The following CABIN1 variants were observed in gnomAD, a reference collection of about 807,000 sequenced individuals.
CABIN1 encodes the protein calcineurin-binding protein cabin-1.
A neutral mutation model predicts 227.7 loss-of-function variants in CABIN1; 133 were observed. That is an observed-to-expected ratio of 0.58 (90% CI 0.51 to 0.67). The LOEUF (loss-of-function observed/expected upper bound fraction) is 0.67. Among genes scored for constraint, CABIN1 ranks in the 30% least tolerant of loss-of-function variants. CABIN1 has a pLI of 0.00. For missense variants in CABIN1, 2,408 were observed against 2,852.5 expected (o/e 0.84, Z 3.55); for synonymous variants, 1,086 against 1,155.1 (o/e 0.94, Z 1.21).
At chr22:24,106,357 T>C (rs944060297) in intron 26 of CABIN1, among the ~76,000 whole-genome samples, 13 of 152,214 alleles carry the variant, frequency 8.5e-5, no homozygotes, top group Non-Finnish European at 1.9e-4. Flanking sequence ...GTCAGCGGCA[T>C]CCTTCCTTTT....
At chr22:24,149,745 A>T (rs977327668) in intron 29 of CABIN1, among the ~76,000 whole-genome samples, 2 of 152,230 alleles carry the variant, frequency 1.3e-5, no homozygotes, top group Non-Finnish European at 2.9e-5. Flanking sequence ...GCATAGGGAT[A>T]TTGAGTCATT....
intron 30 of CABIN1, among the ~76,000 whole-genome samples, 185 bp downstream of exon 30, chr22:24,164,748 C>T (rs1354579696): frequency 6.6e-6 from 1 of 152,130 alleles, no homozygotes; most frequent in Non-Finnish European, 1.5e-5. Flanking sequence ...ACACTTCCCA[C>T]CCCCAGGCAC....
At chr22:24,088,530 C>G (rs1332425155) in intron 23 of CABIN1, among the ~76,000 whole-genome samples, 1 of 152,080 alleles carries the variant, frequency 6.6e-6, no homozygotes, top group Admixed American at 6.5e-5. Context: ...ATTGCTTGAA[C>G]CTGAGAGGCA....
At chr22:24,173,332 C>T (rs114354637) in intron 34 of CABIN1, 103 of 152,296 alleles carry the variant, frequency 6.8e-4, no homozygotes, top group African/African-American at 2.5e-3. Flanking sequence ...CACGGTGGCT[C>T]AAGCAGCAAG....
intron 29 of CABIN1, among the ~76,000 whole-genome samples, chr22:24,157,955 C>T (rs1183346574): frequency 6.6e-6 from 1 of 152,322 alleles, no homozygotes; most frequent in East Asian, 1.9e-4. Flanking sequence ...TGGCCCTCAG[C>T]TCAATGCAGT....
chr22:24,087,350 G>T (rs2041235130), intron 22 of CABIN1, 102 bp from the exon 23 acceptor site: 1 of 1,478,274 alleles, frequency 6.8e-7, no homozygotes, highest in Admixed American at 1.8e-5. Context: ...GTGTGGGAAG[G>T]GAGTTTCCAT....
At chr22:24,103,973 T>C (rs975650779) in intron 26 of CABIN1, among the ~76,000 whole-genome samples, 4 of 151,680 alleles carry the variant, frequency 2.6e-5, no homozygotes, top group African/African-American at 9.7e-5. Flanking sequence ...AGAAGGTGAG[T>C]CTCTAGAGAG....
At chr22:24,176,429 A>G (rs2047112826) in intron 35 of CABIN1, among the ~76,000 whole-genome samples, 154 bp downstream of exon 35, 1 of 152,182 alleles carries the variant, frequency 6.6e-6, no homozygotes, top group African/African-American at 2.4e-5. Flanking sequence ...TGCAGGCTGG[A>G]CAGGGGAGCC....
intron 27 of CABIN1, among the ~76,000 whole-genome samples, chr22:24,115,185 G>A (rs534973742): frequency 1.8e-4 from 27 of 152,194 alleles, no homozygotes; most frequent in Non-Finnish European, 2.8e-4. Context: ...CTGTCAAGCC[G>A]TGACTGCTGT....
At chr22:24,106,726 A>G (rs931940638) in intron 26 of CABIN1, among the ~76,000 whole-genome samples, 1 of 152,164 alleles carries the variant, frequency 6.6e-6, no homozygotes, top group Non-Finnish European at 1.5e-5. Context: ...AGTCAGCTGT[A>G]CCAGAGAAAG....
chr22:24,055,999 G>C (rs988684682), intron 9 of CABIN1, among the ~76,000 whole-genome samples, 193 bp from the exon 10 acceptor site: 2 of 152,224 alleles, frequency 1.3e-5, no homozygotes, highest in Non-Finnish European at 2.9e-5. Flanking sequence ...GTCAAGAAAG[G>C]TGTGAGAGTT....
intron 19 of CABIN1, among the ~76,000 whole-genome samples, chr22:24,076,608 G>A (rs2040461157): frequency 6.6e-6 from 1 of 152,166 alleles, no homozygotes; most frequent in African/African-American, 2.4e-5. Flanking sequence ...AGGCCTTGTA[G>A]TTGTAATTTC....
chr22:24,134,334 C>T lies in CABIN1; in HGVS notation c.4665C>T (p.Gly1555=). 1 of 1,614,140 alleles carries T rather than the reference C, an allele frequency of 6.2e-7. No individual in the cohort carries two copies. Among genetic ancestry groups the T allele is most frequent in the South Asian group, 1.1e-5 (1 of 91,088 alleles). ...NLQWARDVLL[G]SSIPWQQLQH... is the part of the protein sequence containing the mutation. ...AGTGGGCCCGCGACGTGTTGCTAGG[C>T]AGCAGTATCCCGTGGCAACAACTGC... The change falls in exon 29 of 37, where the codon GGC becomes GGT. Residue 1555 remains glycine, a synonymous_variant. Coordinates refer to ENST00000263119, the MANE Select transcript of CABIN1 (RefSeq NM_012295.4).
intron 25 of CABIN1, 54 bp from the exon 26 acceptor site, chr22:24,097,960 G>A: frequency 6.2e-7 from 1 of 1,607,184 alleles, no homozygotes; most frequent in East Asian, 2.2e-5. Context: ...GTACACATCT[G>A]TTTCAATGTG....
chr22:24,112,311 G>T (rs1199350244), intron 26 of CABIN1, among the ~76,000 whole-genome samples: 1 of 152,184 alleles, frequency 6.6e-6, no homozygotes, highest in African/African-American at 2.4e-5. Context: ...CAGAAATTGA[G>T]CTGGCTTGGG....
At chr22:24,026,124 A>C (rs1038645284) in intron 1 of CABIN1, among the ~76,000 whole-genome samples, 1 of 151,878 alleles carries the variant, frequency 6.6e-6, no homozygotes, top group African/African-American at 2.4e-5. Flanking sequence ...GACTTGATCC[A>C]CTGGGCCTGG....
rs202090161 is a variant in CABIN1, at chr22:24,177,466, G to A, written c.6206-38G>A. ...AGATAAAGTGCTCACTGTGTGATGC[G>A]GCAGGCAGGAAGTGCTCTTGGTACC... On this transcript the variant is annotated intron_variant, in intron 35 of 36. Coordinates refer to ENST00000263119, the MANE Select transcript of CABIN1 (RefSeq NM_012295.4). The surrounding 1 kb of genome is among the most constrained non-coding windows in gnomAD (Gnocchi z 4.4). The A allele has an allele frequency of 2.5e-5, 37 of 1,491,148 alleles. No individual in the cohort carries two copies. Among genetic ancestry groups the A allele is most frequent in the African/African-American group, 7.0e-5 (5 of 71,500 alleles). The allele number at this position is 1,491,148 out of a possible 1,614,324, so 92.4% of individuals were successfully genotyped here.
At chr22:24,071,688 G>T (rs991468785) in intron 17 of CABIN1, among the ~76,000 whole-genome samples, 2 of 152,124 alleles carry the variant, frequency 1.3e-5, no homozygotes, top group African/African-American at 2.4e-5. Context: ...AGCCACAGAG[G>T]CACCTTTCCA....
At chr22:24,095,716 A>G (rs1476439914) in intron 24 of CABIN1, among the ~76,000 whole-genome samples, 1 of 152,196 alleles carries the variant, frequency 6.6e-6, no homozygotes, top group Non-Finnish European at 1.5e-5. Context: ...TACTGCGTGA[A>G]CGTTTAAGCT....
Sources: allele counts gnomAD v4.1 joint callset (sites outside exome capture counted in the v4.1 genomes callset), GRCh38; gene constraint gnomAD v4.1.1; non-coding constraint Gnocchi (gnomAD v3.1); transcripts MANE v1.5; gene names NCBI Gene and HGNC (gene_info 2026-07-23, HGNC 2026-07-21).